ARID1B: variants seen among roughly 807,000 people sequenced by gnomAD.
ARID1B encodes the protein AT-rich interactive domain-containing protein 1B.
ARID1B carries 30 observed loss-of-function variants against 212.3 expected under a neutral mutation model. The observed-to-expected ratio is 0.14, with a 90% CI of 0.11 to 0.19. The LOEUF is 0.19. Ranked by LOEUF, ARID1B falls within the 10% of genes least tolerant of loss-of-function variation. The pLI, the probability that ARID1B is intolerant of heterozygous loss-of-function variation, is 1.00. For missense variants in ARID1B, 2,891 were observed against 3,204.0 expected, an observed-to-expected ratio of 0.90 and a Z score of 2.36; for synonymous variants, 1,402 against 1,301.7, an observed-to-expected ratio of 1.08 and a Z score of -1.66.
intron 7 of ARID1B, among the ~76,000 whole-genome samples, chr6:157,133,934 T>C (rs1293625361): frequency 6.6e-5 from 10 of 152,218 alleles, no homozygotes; most frequent in African/African-American, 2.4e-4. Context: ...TATATGTTTT[T>C]TCTAAGTCAC....
intron 2 of ARID1B, among the ~76,000 whole-genome samples, chr6:156,862,785 G>T (rs554722804): frequency 3.3e-5 from 5 of 152,204 alleles, no homozygotes; most frequent in African/African-American, 7.2e-5. Flanking sequence ...CCCTGTGCCC[G>T]CTTGGGGGCT....
Position 157,201,486 on chromosome 6 carries a change from T to A in ARID1B, c.5261T>A (p.Ile1754Asn), listed in dbSNP as rs984561078. The A allele has an allele frequency of 6.7e-7, 1 of 1,495,158 alleles. No homozygotes were observed. Among genetic ancestry groups the A allele is most frequent in the Non-Finnish European group, 8.9e-7 (1 of 1,121,946 alleles). 92.6% of individuals were successfully genotyped at this position (1,495,158 alleles called of 1,614,324 possible). A position where few individuals can be genotyped will look rare whatever the true frequency, so the allele number is the denominator to read the frequency against. The change falls in exon 18 of 20, where the codon ATC becomes AAC. Residue 1754 changes from isoleucine (I) to asparagine (N), a missense_variant and splice_region_variant. This residue lies in a region of ARID1B where 666 missense variants were observed against 873.5 expected (regional missense o/e 0.76). Coordinates refer to ENST00000636930, the MANE Select transcript of ARID1B (RefSeq NM_001374828.1). The surrounding 1 kb of genome is among the most constrained non-coding windows in gnomAD (Gnocchi z 5.2). ...KQRRKITSKD[I>N]VTPEAWRVMM... ...AGGCGAAAGATTACCTCCAAAGATA[T>A]CGGTAAGAATTCCAAAGCTTTCATT... is the stretch of plus-strand genomic sequence containing the variant.
At position 156,778,608 on chromosome 6, in the gene ARID1B, G is replaced by T. The variant is rs777266582; in HGVS notation, c.928G>T (p.Val310Phe). 2.5e-5 allele frequency: 33 copies of T among 1,335,612 alleles called. No individual in the cohort carries two copies. Among genetic ancestry groups the T allele is most frequent in the Non-Finnish European group, 3.2e-5 (33 of 1,042,724 alleles). 82.7% of individuals were successfully genotyped at this position (1,335,612 alleles called of 1,614,324 possible). A position where few individuals can be genotyped will look rare whatever the true frequency, so the allele number is the denominator to read the frequency against. ...VPGGGGGPAA[V>F]PEFNNYYGSA... The stretch of plus-strand genomic sequence containing the variant: ...CGGGGGCGGCGGCGGCCCGGCGGCC[G>T]TCCCGGAGTTTAATAATTACTATGG... The change falls in exon 1 of 20, where the codon GTC (valine) becomes TTC (phenylalanine). Residue 310 changes from valine (V) to phenylalanine (F), a missense_variant. Physicochemically the swap from Val to Phe is conservative, Grantham distance 50. Coordinates refer to ENST00000636930, the MANE Select transcript of ARID1B (RefSeq NM_001374828.1).
chr6:156,969,026 C>T (rs1776732291), intron 4 of ARID1B, among the ~76,000 whole-genome samples: 1 of 152,218 alleles, frequency 6.6e-6, no homozygotes, highest in African/African-American at 2.4e-5. Flanking sequence ...AAGGATGGCT[C>T]ACTTCCAGTA....
intron 2 of ARID1B, among the ~76,000 whole-genome samples, chr6:156,878,912 A>T (rs1270297566): frequency 6.6e-6 from 1 of 152,230 alleles, no homozygotes; most frequent in East Asian, 1.9e-4. Context: ...TTTTTGCATC[A>T]GCATTTCATT....
intron 3 of ARID1B, among the ~76,000 whole-genome samples, chr6:156,915,045 T>G (rs947470647): frequency 6.6e-6 from 1 of 152,238 alleles, no homozygotes; most frequent in Non-Finnish European, 1.5e-5. Context: ...AATTGTTGAT[T>G]TAATCATTCA....
At chr6:157,039,812 T>TTTTC (rs1583197990) in intron 4 of ARID1B, among the ~76,000 whole-genome samples, 1 of 141,550 alleles carries the variant, frequency 7.1e-6, no homozygotes, top group East Asian at 2.1e-4. Flanking sequence ...TTCTCTTTCT[T>TTTTC]TCTTTTTCTC....
At chr6:156,784,883 G>A (rs751422632) in intron 1 of ARID1B, among the ~76,000 whole-genome samples, 3 of 152,032 alleles carry the variant, frequency 2.0e-5, no homozygotes, top group Non-Finnish European at 4.4e-5. Flanking sequence ...CCTCAGCCCC[G>A]CAAGCAGCTG....
chr6:157,105,493 A>G (rs1393864058), intron 5 of ARID1B, among the ~76,000 whole-genome samples: 3 of 152,264 alleles, frequency 2.0e-5, no homozygotes, highest in East Asian at 3.8e-4. Flanking sequence ...GTAAGCAGAA[A>G]AATAGGAGAA....
At chr6:156,873,917 G>T (rs957718999) in intron 2 of ARID1B, among the ~76,000 whole-genome samples, 4 of 152,072 alleles carry the variant, frequency 2.6e-5, no homozygotes, top group Admixed American at 6.6e-5. Flanking sequence ...AGATACCCAC[G>T]GCCTCCTCAG....
chr6:157,130,167 T>C (rs1479819521), intron 6 of ARID1B, among the ~76,000 whole-genome samples: 1 of 147,800 alleles, frequency 6.8e-6, no homozygotes, highest in Non-Finnish European at 1.5e-5. Flanking sequence ...AGACTCCATC[T>C]CAAAAAAAAA....
chr6:157,123,180 T>TTCTCTGTCTCTGTCTCTG (rs66476170), intron 6 of ARID1B, among the ~76,000 whole-genome samples: 1 of 146,378 alleles, frequency 6.8e-6, no homozygotes, highest in Admixed American at 6.7e-5. Context: ...TTTGAGATCT[T>TTCTCTGTCTCTGTCTCTG]TCTCTGTCTC....
At chr6:157,158,993 G>A (rs912887873) in intron 8 of ARID1B, among the ~76,000 whole-genome samples, 1 of 152,138 alleles carries the variant, frequency 6.6e-6, no homozygotes, top group Non-Finnish European at 1.5e-5. Context: ...TCTTCTCAGA[G>A]GTCAGTGGGA....
chr6:156,905,735 ATATC>A (rs1789321830), intron 3 of ARID1B, among the ~76,000 whole-genome samples: 1 of 152,120 alleles, frequency 6.6e-6, no homozygotes, highest in African/African-American at 2.4e-5. Flanking sequence ...ATGGGGTAGT[ATATC>A]CTCATTATCC....
In ARID1B at chr6:157,208,110, T is replaced by G. The variant is rs565384835; in HGVS notation, c.*219T>G. On this transcript the variant is annotated 3_prime_UTR_variant, in exon 20 of 20. Coordinates refer to ENST00000636930, the MANE Select transcript of ARID1B (RefSeq NM_001374828.1). The stretch of plus-strand genomic sequence containing the variant: ...GTGTGTATAAGTACATCCTTTGGGG[T>G]TTTTTTTTTCTCTTTTTTTTAACCA... The G allele has an allele frequency of 5.5e-5, 23 of 420,514 alleles. 1 individual carries two copies. In the South Asian group the frequency reaches 1.7e-3, roughly 32 times the overall value. The allele number at this position is 420,514 out of a possible 1,614,324, so 26.0% of individuals were successfully genotyped here. A position where few individuals can be genotyped will look rare whatever the true frequency, so the allele number is the denominator to read the frequency against.
intron 2 of ARID1B, among the ~76,000 whole-genome samples, chr6:156,856,700 T>TCTCTCACA (rs1168465535): frequency 7.8e-4 from 89 of 114,728 alleles, no homozygotes; most frequent in African/African-American, 2.9e-3. Flanking sequence ...TCTCTCTCTC[T>TCTCTCACA]CACACACACA....
At chr6:156,965,332 T>A (rs1305243765) in intron 4 of ARID1B, among the ~76,000 whole-genome samples, 1 of 152,234 alleles carries the variant, frequency 6.6e-6, no homozygotes. Context: ...TTTCCACCCT[T>A]CATGAAGGCA....
rs191182470 is a variant in ARID1B at position 156,880,263 on chromosome 6, T to C, written c.1987-21113T>C. Reference sequence around the variant, plus strand: ...GAGCTAGAAAATGGAATGCTGGTAGTGAAAGGAGAGAGAAAGAAAAATAGC... The same window carrying C: ...GAGCTAGAAAATGGAATGCTGGTAGCGAAAGGAGAGAGAAAGAAAAATAGC... On this transcript the variant is annotated intron_variant, in intron 2 of 19. Transcript: ENST00000636930. 9.1e-4 allele frequency among the ~76,000 whole-genome samples: 138 copies of C among 152,100 alleles called. 3 individuals are homozygous for C. The highest frequency in any genetic ancestry group is 3.2e-3 in the African/African-American group (134 of 41,460).
Position 157,207,549 on chromosome 6 carries a change from G to T in ARID1B, c.6777G>T (p.Ser2259=). The change falls in exon 20 of 20, where the codon TCG becomes TCT. Residue 2259 remains serine, a synonymous_variant. Transcript: ENST00000636930. The surrounding 1 kb of genome is among the most constrained non-coding windows in gnomAD (Gnocchi z 8.5). The part of the protein sequence containing the change: ...VCREMSMALL[S]NLAQGDALAA... Reference sequence around the variant, plus strand: ...GAGAAATGTCCATGGCGCTTTTATCGAACCTTGCCCAAGGGGACGCACTAG... The same window carrying T: ...GAGAAATGTCCATGGCGCTTTTATCTAACCTTGCCCAAGGGGACGCACTAG... 6.2e-7 allele frequency: 1 copy of T among 1,614,074 alleles called. No individual in the cohort carries two copies. The highest frequency in any genetic ancestry group is 8.5e-7 in the Non-Finnish European group (1 of 1,180,010).
Sources: allele counts gnomAD v4.1 joint callset (sites outside exome capture counted in the v4.1 genomes callset), GRCh38; gene constraint gnomAD v4.1.1; regional missense constraint gnomAD v4.1.1; non-coding constraint Gnocchi (gnomAD v3.1); transcripts MANE v1.5; gene names NCBI Gene and HGNC (gene_info 2026-07-23, HGNC 2026-07-21).